Variants in MMD2 observed in about 807,000 individuals in gnomAD.
MMD2 encodes monocyte to macrophage differentiation associated 2.
In MMD2, 30 loss-of-function variants were observed where a neutral mutation model predicts 33.5. That is an observed-to-expected ratio of 0.90 (90% CI 0.67 to 1.22). The LOEUF (loss-of-function observed/expected upper bound fraction) is 1.22, where lower values mean the gene tolerates loss of function less well. Among genes scored for constraint, MMD2 ranks in the 50% most tolerant of loss-of-function variants. MMD2 has a pLI of 0.00. For synonymous variants in MMD2, 129 were observed against 123.0 expected, an observed-to-expected ratio of 1.05 and a Z score of -0.32; for missense variants, 364 against 325.4, an observed-to-expected ratio of 1.12 and a Z score of -0.91.
chr7:4,926,549 C>T (rs1785433297), intron 1 of MMD2, among the ~76,000 whole-genome samples: 1 of 152,046 alleles, frequency 6.6e-6, no homozygotes, highest in African/African-American at 2.4e-5. Context: ...GTGCCCAGTG[C>T]CCCCTCCCAT....
At chr7:4,931,245 G>A (rs572246164) in intron 1 of MMD2, among the ~76,000 whole-genome samples, 176 of 151,270 alleles carry the variant, frequency 1.2e-3, no homozygotes, top group African/African-American at 3.5e-3. Flanking sequence ...TCCTGGGCTC[G>A]AGCAATCCTC....
intron 4 of MMD2, among the ~76,000 whole-genome samples, chr7:4,914,586 G>T (rs1283527087): frequency 3.3e-5 from 5 of 152,108 alleles, no homozygotes; most frequent in Non-Finnish European, 5.9e-5. Flanking sequence ...CCAGCACAGG[G>T]CCTGGCACAG....
rs140168918 is a variant in MMD2 at position 4,921,977 on chromosome 7, C to A, written c.130-1646G>T. Among the ~76,000 whole-genome samples the A allele has an allele frequency of 5.9e-5, 9 of 152,072 alleles. 1 individual carries two copies. Among genetic ancestry groups the A allele is most frequent in the Admixed American group, 3.9e-4 (6 of 15,242 alleles). On this transcript the variant is annotated intron_variant, in intron 2 of 6. Transcript: ENST00000401401. ...CGGTGGCTCACACCTGTAATCCCAG[C>A]GCTTTGGGAGGCTGAGGCCAGGAGG...
chr7:4,945,185 T>TCC lies in MMD2; in HGVS notation c.47+13785_47+13786insGG, dbSNP rs1786024637. Among the ~76,000 whole-genome samples the TCC allele has an allele frequency of 6.4e-5, 6 of 93,540 alleles. 1 individual carries two copies. The highest frequency in any genetic ancestry group is 0.01 in the Middle Eastern group (2 of 196). 61.4% of individuals were successfully genotyped at this position (93,540 alleles called of 152,430 possible). ...TTCTTCCTTCTTCCTCCTCTTCCTC[T>TCC]TTCTTCTTCTTCTTCTTCTTCTTCT... On this transcript the variant is annotated intron_variant, in intron 1 of 6. Coordinates refer to ENST00000401401, the MANE Select transcript of MMD2 (RefSeq NM_198403.4).
chr7:4,924,156 C>T (rs759575248), intron 2 of MMD2, among the ~76,000 whole-genome samples: 69 of 152,126 alleles, frequency 4.5e-4, no homozygotes, highest in Non-Finnish European at 8.1e-4. Context: ...CGCACCACTG[C>T]ACTCCAGCCT....
chr7:4,920,405 G>C (rs1785249649), intron 2 of MMD2, 74 bp from the exon 3 acceptor site: 1 of 1,502,692 alleles, frequency 6.7e-7, no homozygotes, highest in African/African-American at 1.4e-5. Flanking sequence ...CCCTTCCCCG[G>C]CTGAGCTGCC....
At chr7:4,935,520 T>TA (rs1237224427) in intron 1 of MMD2, among the ~76,000 whole-genome samples, 1 of 150,720 alleles carries the variant, frequency 6.6e-6, no homozygotes, top group Non-Finnish European at 1.5e-5. Flanking sequence ...CACAAAAAAA[T>TA]AAAAAAATTA....
intron 1 of MMD2, among the ~76,000 whole-genome samples, chr7:4,928,882 T>G (rs1030412866): frequency 6.6e-6 from 1 of 151,582 alleles, no homozygotes; most frequent in Non-Finnish European, 1.5e-5. Context: ...TAAGTGCAGC[T>G]CATGGTGCAT....
intron 5 of MMD2, 84 bp downstream of exon 5, chr7:4,911,060 TG>T: frequency 8.6e-7 from 1 of 1,157,706 alleles, no homozygotes; most frequent in Non-Finnish European, 1.3e-6. Flanking sequence ...GAGATCATCC[TG>T]GACTCTCGGC....
At chr7:4,944,760 C>CTTTTTTT (rs142716643) in intron 1 of MMD2, among the ~76,000 whole-genome samples, 93 of 75,298 alleles carry the variant, frequency 1.2e-3, no homozygotes, top group African/African-American at 1.6e-3. Flanking sequence ...TCTTCTTCTT[C>CTTTTTTT]TTTTTTTTTT....
chr7:4,933,727 G>T (rs1785658704), intron 1 of MMD2, among the ~76,000 whole-genome samples: 1 of 151,834 alleles, frequency 6.6e-6, no homozygotes, highest in South Asian at 2.1e-4. Context: ...CGCATTCCGA[G>T]GCCCAATCAT....
chr7:4,894,111 T>A, the MMD2 span, among the ~76,000 whole-genome samples: 1 of 151,926 alleles, frequency 6.6e-6, no homozygotes, highest in Non-Finnish European at 1.5e-5. The surrounding 1 kb of genome is among the most constrained non-coding windows in gnomAD (Gnocchi z 4.3). Context: ...CAAGATGGAG[T>A]CACTCTGGTT....
chr7:4,912,205 A>T (rs1374524998), intron 4 of MMD2, among the ~76,000 whole-genome samples: 1 of 152,138 alleles, frequency 6.6e-6, no homozygotes, highest in Non-Finnish European at 1.5e-5. Context: ...TGAGGTGTTC[A>T]GGAGGGTGGA....
chr7:4,939,674 ACT>A (rs1785847589), intron 1 of MMD2, among the ~76,000 whole-genome samples: 1 of 151,760 alleles, frequency 6.6e-6, no homozygotes, highest in Non-Finnish European at 1.5e-5. Flanking sequence ...AAATAAGGAC[ACT>A]CTGCAGACTG....
downstream of MMD2, among the ~76,000 whole-genome samples, chr7:4,904,817 C>T (rs1363168287): frequency 1.3e-5 from 2 of 152,178 alleles, no homozygotes; most frequent in African/African-American, 4.8e-5. Context: ...CACAGTCCCT[C>T]CCTCCAGGAG....
chr7:4,909,813 G>A (rs750815652), intron 6 of MMD2, 68 bp downstream of exon 6: 1 of 1,551,614 alleles, frequency 6.4e-7, no homozygotes, highest in Non-Finnish European at 8.7e-7. Flanking sequence ...AATCTCAACA[G>A]CCAGGTCCAG....
At chr7:4,900,389 G>T in the MMD2 span, among the ~76,000 whole-genome samples, 2 of 152,178 alleles carry the variant, frequency 1.3e-5, no homozygotes, top group Non-Finnish European at 2.9e-5. Flanking sequence ...GGTAAAAAGG[G>T]ATGGTGTGCA....
chr7:4,892,386 A>G, the MMD2 span, among the ~76,000 whole-genome samples: 1 of 152,056 alleles, frequency 6.6e-6, no homozygotes, highest in South Asian at 2.1e-4. Context: ...TCAGGAGTAC[A>G]AGACCAGCAT....
chr7:4,950,580 GAT>G (rs1367173883), intron 1 of MMD2, among the ~76,000 whole-genome samples: 5 of 152,150 alleles, frequency 3.3e-5, no homozygotes, highest in African/African-American at 1.2e-4. Flanking sequence ...AGGGACCTCA[GAT>G]AAGTGGAATC....
Sources: allele counts gnomAD v4.1 joint callset (sites outside exome capture counted in the v4.1 genomes callset), GRCh38; gene constraint gnomAD v4.1.1; non-coding constraint Gnocchi (gnomAD v3.1); transcripts MANE v1.5; gene names NCBI Gene and HGNC (gene_info 2026-07-23, HGNC 2026-07-21).